NHERF2: variants seen among roughly 807,000 people sequenced by gnomAD.
The protein encoded by NHERF2 is NHERF family PDZ scaffold protein 2.
chr16:2,030,675 A>C, the NHERF2 span, among the ~76,000 whole-genome samples: 1 of 140,188 alleles, frequency 7.1e-6, no homozygotes, highest in Admixed American at 7.8e-5. Context: ...GCGGTGGCTC[A>C]CGCCTGTAAT....
the NHERF2 span, chr16:2,032,967 G>C: frequency 1.8e-6 from 2 of 1,104,592 alleles, no homozygotes; most frequent in Non-Finnish European, 2.2e-6. The surrounding 1 kb of genome is among the most constrained non-coding windows in gnomAD (Gnocchi z 4.0). Context: ...TTGGGGCGCG[G>C]TGCCTGCGGG....
At chr16:2,032,984 C>T in the NHERF2 span, 21 of 1,129,780 alleles carry the variant, frequency 1.9e-5, no homozygotes, top group Middle Eastern at 4.0e-4. The surrounding 1 kb of genome is among the most constrained non-coding windows in gnomAD (Gnocchi z 4.0). Context: ...CGGGGGCTTC[C>T]GGGCTTCCCT....
chr16:2,035,040 A>C, the NHERF2 span, among the ~76,000 whole-genome samples: 1 of 151,972 alleles, frequency 6.6e-6, no homozygotes, highest in Non-Finnish European at 1.5e-5. Context: ...GGGGCCAGGG[A>C]GCCACAGGCT....
At chr16:2,034,067 C>T in the NHERF2 span, among the ~76,000 whole-genome samples, 1 of 152,194 alleles carries the variant, frequency 6.6e-6, no homozygotes, top group South Asian at 2.1e-4. Flanking sequence ...GGGCCCCAGA[C>T]ACCCACCAGA....
chr16:2,031,446 G>A, the NHERF2 span, among the ~76,000 whole-genome samples: 5 of 152,210 alleles, frequency 3.3e-5, no homozygotes, highest in Non-Finnish European at 7.3e-5. Context: ...GGACACAAAC[G>A]CATGGTTCAC....
the NHERF2 span, among the ~76,000 whole-genome samples, chr16:2,031,858 A>G: frequency 6.6e-6 from 1 of 151,666 alleles, no homozygotes; most frequent in Non-Finnish European, 1.5e-5. Flanking sequence ...CACCTGACTA[A>G]TTTTTGTGTT....
At chr16:2,027,714 G>A in the NHERF2 span, among the ~76,000 whole-genome samples, 1 of 152,232 alleles carries the variant, frequency 6.6e-6, no homozygotes, top group Admixed American at 6.5e-5. Flanking sequence ...GTGTGTGTGT[G>A]AGTATACAGG....
At chr16:2,029,912 T>C in the NHERF2 span, 1 of 759,552 alleles carries the variant, frequency 1.3e-6, no homozygotes, top group East Asian at 2.7e-5. Flanking sequence ...GCTCCTTTTC[T>C]GCCCCAGGGA....
At chr16:2,027,165 GA>G in the NHERF2 span, 1 of 1,475,128 alleles carries the variant, frequency 6.8e-7, no homozygotes, top group Non-Finnish European at 8.9e-7. Context: ...GCGCGCTGGG[GA>G]CCGCCTGGTC....
the NHERF2 span, chr16:2,035,609 C>T: frequency 1.0e-6 from 1 of 986,406 alleles, no homozygotes; most frequent in Non-Finnish European, 1.2e-6. Flanking sequence ...GCACCCTGGC[C>T]CACCCCCTGG....
At chr16:2,036,592 T>TG in the NHERF2 span, 1 of 1,519,082 alleles carries the variant, frequency 6.6e-7, no homozygotes, top group Non-Finnish European at 8.9e-7. Flanking sequence ...AGGGAGACGC[T>TG]GGGAACCTGA....
the NHERF2 span, chr16:2,027,126 C>G: frequency 6.8e-7 from 1 of 1,467,694 alleles, no homozygotes. Context: ...GCGCGTGGAA[C>G]CCGGTTCCCC....
chr16:2,032,219 C>T, the NHERF2 span, among the ~76,000 whole-genome samples: 64 of 152,174 alleles, frequency 4.2e-4, no homozygotes, highest in Middle Eastern at 3.4e-3. This position sits in a 1 kb window ranked among gnomAD's most constrained non-coding sequence, Gnocchi z 4.0. Flanking sequence ...AGGGTTTCAC[C>T]GTGTTGGCCA....
chr16:2,027,376 G>A, the NHERF2 span, among the ~76,000 whole-genome samples: 4 of 151,996 alleles, frequency 2.6e-5, no homozygotes, highest in Non-Finnish European at 5.9e-5. Flanking sequence ...CCCGGCGCAG[G>A]AAGCTCAGTC....
At chr16:2,035,782 C>T in the NHERF2 span, 4 of 725,720 alleles carry the variant, frequency 5.5e-6, no homozygotes, top group Non-Finnish European at 6.7e-6. Context: ...AAGCTCCTGC[C>T]CCAGCCCCTG....
the NHERF2 span, among the ~76,000 whole-genome samples, chr16:2,029,309 G>A: frequency 3.3e-5 from 5 of 151,384 alleles, no homozygotes; most frequent in African/African-American, 9.7e-5. Context: ...TCCCAGCCCC[G>A]CCTGGAGAAG....
chr16:2,038,976 C>G, the NHERF2 span: 6 of 152,830 alleles, frequency 3.9e-5, no homozygotes, highest in East Asian at 1.2e-3. Context: ...GCTGTTGCCT[C>G]GTAAGCCATA....
At chr16:2,029,338 G>A in the NHERF2 span, among the ~76,000 whole-genome samples, 36 of 151,976 alleles carry the variant, frequency 2.4e-4, no homozygotes, top group Middle Eastern at 3.4e-3. Flanking sequence ...CTAAGGGCAA[G>A]GCTCTGGGAG....
chr16:2,029,207 G>A, the NHERF2 span, among the ~76,000 whole-genome samples: 3 of 152,208 alleles, frequency 2.0e-5, no homozygotes, highest in Non-Finnish European at 2.9e-5. Flanking sequence ...GCGCGCACAG[G>A]GACAGGCAGA....
Sources: allele counts gnomAD v4.1 joint callset (sites outside exome capture counted in the v4.1 genomes callset), GRCh38; gene constraint gnomAD v4.1.1; non-coding constraint Gnocchi (gnomAD v3.1); transcripts MANE v1.5; gene names NCBI Gene and HGNC (gene_info 2026-07-23, HGNC 2026-07-21).